LEPROTL1: variants seen among roughly 807,000 people sequenced by gnomAD.
LEPROTL1 encodes the protein leptin receptor overlapping transcript-like 1.
In LEPROTL1, 6 loss-of-function variants were observed where a neutral mutation model predicts 15.4. That is an observed-to-expected ratio of 0.39 (90% CI 0.21 to 0.77). LEPROTL1 has a LOEUF of 0.77. LEPROTL1 is among the 30% of genes least tolerant of loss of function. The probability of loss-of-function intolerance (pLI) is 0.41; values close to 1 mark genes in which losing one functional copy is unlikely to be tolerated. For missense variants in LEPROTL1, 128 were observed against 158.1 expected (o/e 0.81, Z 1.02); for synonymous variants, 56 against 52.6 (o/e 1.06, Z -0.28).
At chr8:30,098,298 A>C (rs964563734) in intron 1 of LEPROTL1, among the ~76,000 whole-genome samples, 1 of 152,214 alleles carries the variant, frequency 6.6e-6, no homozygotes, top group Admixed American at 6.5e-5. Flanking sequence ...TATATGAATT[A>C]CCTATTGAAA....
chr8:30,115,539 A>ATTTTTTTTT (rs71206228), intron 3 of LEPROTL1, among the ~76,000 whole-genome samples: 3 of 74,380 alleles, frequency 4.0e-5, no homozygotes, highest in African/African-American at 5.6e-5. Context: ...TGCCTGGCTA[A>ATTTTTTTTT]TTTTTTTTTT....
At chr8:30,110,551 T>C (rs2117495703), downstream of LEPROTL1, among the ~76,000 whole-genome samples, 1 of 152,010 alleles carries the variant, frequency 6.6e-6, no homozygotes, top group African/African-American at 2.4e-5. Flanking sequence ...CTGGCCAACA[T>C]AGTGAAACCC....
At chr8:30,132,288 G>C in intron 3 of LEPROTL1, 3 of 1,551,790 alleles carry the variant, frequency 1.9e-6, no homozygotes, top group Non-Finnish European at 2.6e-6. Context: ...AAGCCCTGCT[G>C]TGCTGGAATA....
chr8:30,131,205 A>C (rs1278932450), intron 3 of LEPROTL1, among the ~76,000 whole-genome samples: 1 of 151,554 alleles, frequency 6.6e-6, no homozygotes, highest in East Asian at 1.9e-4. Flanking sequence ...GATCCTTCTC[A>C]GCCTCCAGAG....
At chr8:30,118,246 C>T (rs1802774585) in intron 3 of LEPROTL1, among the ~76,000 whole-genome samples, 1 of 151,916 alleles carries the variant, frequency 6.6e-6, no homozygotes, top group South Asian at 2.1e-4. Context: ...AATTCCTGAC[C>T]TCAAGTGATC....
intron 3 of LEPROTL1, among the ~76,000 whole-genome samples, chr8:30,114,620 C>G (rs1306778950): frequency 6.6e-6 from 1 of 152,180 alleles, no homozygotes; most frequent in Non-Finnish European, 1.5e-5. Flanking sequence ...CCACCTAGAA[C>G]CCTGCATGGC....
At chr8:30,132,110 G>C in intron 3 of LEPROTL1, 2 of 1,551,676 alleles carry the variant, frequency 1.3e-6, no homozygotes, top group Non-Finnish European at 8.7e-7. Flanking sequence ...GCCCAGGTGA[G>C]GGTTCTATAG....
intron 3 of LEPROTL1, chr8:30,132,076 T>C (rs1180346170): frequency 6.4e-7 from 1 of 1,551,638 alleles, no homozygotes; most frequent in Non-Finnish European, 8.7e-7. Context: ...CAGCATGATG[T>C]AGGCAATGAT....
At chr8:30,112,236 T>C (rs1250266641), downstream of LEPROTL1, among the ~76,000 whole-genome samples, 1 of 151,796 alleles carries the variant, frequency 6.6e-6, no homozygotes, top group Non-Finnish European at 1.5e-5. Flanking sequence ...TTTGTAACCA[T>C]TTTTCTTTTC....
At chr8:30,110,969 G>A (rs1802646835), downstream of LEPROTL1, among the ~76,000 whole-genome samples, 1 of 152,268 alleles carries the variant, frequency 6.6e-6, no homozygotes, top group East Asian at 1.9e-4. Context: ...ATAATATCAT[G>A]TAAATACAAC....
chr8:30,106,222 A>G lies in LEPROTL1; in HGVS notation c.*360A>G, dbSNP rs1802564884. 1 of 986,140 alleles carries G rather than the reference A, an allele frequency of 1.0e-6. No individual in the cohort carries two copies. Among genetic ancestry groups the G allele is most frequent in the Admixed American group, 6.1e-5 (1 of 16,300 alleles). The allele number at this position is 986,140 out of a possible 1,614,324, so 61.1% of individuals were successfully genotyped here. On this transcript the variant is annotated 3_prime_UTR_variant, in exon 4 of 4. Transcript: ENST00000321250. ...AATCATTTGCATTGGTTAGGAATTC[A>G]GAATTCCGCCGGCTCTATTACTGGT...
intron 3 of LEPROTL1, among the ~76,000 whole-genome samples, chr8:30,118,341 G>A (rs1802775359): frequency 6.6e-6 from 1 of 152,098 alleles, no homozygotes; most frequent in South Asian, 2.1e-4. Context: ...ATTAATATAT[G>A]TACATACAGA....
chr8:30,107,282 G>A lies in LEPROTL1; in HGVS notation c.*1420G>A. On this transcript the variant is annotated 3_prime_UTR_variant, in exon 4 of 4. Transcript: ENST00000321250. ...AGTAACCAGGCATGATCAATTTATA[G>A]TGGTCGTTTACATCTAATAATTATC... 2 of 985,536 alleles carry A rather than the reference G, an allele frequency of 2.0e-6. No individual in the cohort carries two copies. Among genetic ancestry groups the A allele is most frequent in the South Asian group, 9.4e-5 (2 of 21,294 alleles). 61.0% of individuals were successfully genotyped at this position (985,536 alleles called of 1,614,324 possible).
chr8:30,134,916 A>G (rs1331430896), intron 4 of LEPROTL1, among the ~76,000 whole-genome samples: 4 of 151,632 alleles, frequency 2.6e-5, no homozygotes, highest in African/African-American at 9.7e-5. Flanking sequence ...GTCTCACTCT[A>G]TCACCCAGGC....
downstream of LEPROTL1, among the ~76,000 whole-genome samples, chr8:30,109,906 AAAAGGAGCACCAGATAAGGGAGGTGTT>A (rs961928647): frequency 6.6e-6 from 1 of 151,898 alleles, no homozygotes; most frequent in Admixed American, 6.6e-5. Flanking sequence ...CTGAGATTGC[AAAAGGAGCACCAGATAAGGGAGGTGTT>A]ACCATGCTGT....
chr8:30,135,014 G>A (rs1033106909), intron 4 of LEPROTL1, among the ~76,000 whole-genome samples: 1 of 151,214 alleles, frequency 6.6e-6, no homozygotes, highest in African/African-American at 2.4e-5. Flanking sequence ...TGAGAAGCTG[G>A]AACTTCAGAC....
In LEPROTL1 at chr8:30,108,462, T is replaced by G. The variant is rs1314580529; in HGVS notation, c.*2600T>G. 1 of 152,202 alleles carries G rather than the reference T, an allele frequency of 6.6e-6. No individual in the cohort carries two copies. The highest frequency in any genetic ancestry group is 1.9e-4 in the East Asian group (1 of 5,204). The allele number at this position is 152,202 out of a possible 1,614,324, so 9.4% of individuals were successfully genotyped here. ...TAGCATGTTACTTTTTGCAAACATT[T>G]TAAACAAAAAATATTTCTGTTTGGT... On this transcript the variant is annotated 3_prime_UTR_variant, in exon 4 of 4. Transcript: ENST00000321250.
chr8:30,115,539 ATTTTTTTTTTT>A (rs71206228), intron 3 of LEPROTL1, among the ~76,000 whole-genome samples: 26 of 74,356 alleles, frequency 3.5e-4, no homozygotes, highest in South Asian at 1.2e-3. Flanking sequence ...TGCCTGGCTA[ATTTTTTTTTTT>A]TTTTTTTTTT....
At chr8:30,129,774 T>C (rs1310257965) in intron 3 of LEPROTL1, among the ~76,000 whole-genome samples, 1 of 148,790 alleles carries the variant, frequency 6.7e-6, no homozygotes, top group Non-Finnish European at 1.5e-5. Flanking sequence ...TACCTGAGAC[T>C]GGGTAATTAA....
Sources: gnomAD v4.1 joint callset for allele counts (sites outside exome capture counted in the v4.1 genomes callset) on GRCh38, gnomAD v4.1.1 for gene constraint, MANE v1.5 for transcripts, NCBI Gene and HGNC (gene_info 2026-07-23, HGNC 2026-07-21) for gene names.